FRMPD3: variants seen among roughly 807,000 people sequenced by gnomAD.
FRMPD3 encodes FERM and PDZ domain-containing protein 3.
A neutral mutation model predicts 97.9 loss-of-function variants in FRMPD3; 42 were observed. The observed-to-expected ratio is 0.43, with a 90% CI of 0.34 to 0.55. The LOEUF is 0.55. FRMPD3 is among the 20% of genes least tolerant of loss of function. The pLI is 0.03. For missense variants in FRMPD3, 1,303 were observed against 1,457.7 expected, an observed-to-expected ratio of 0.89 and a Z score of 1.73; for synonymous variants, 577 against 581.1, an observed-to-expected ratio of 0.99 and a Z score of 0.10.
chrX:107,469,987 T>C (rs1313975804), intron 1 of FRMPD3, among the ~76,000 whole-genome samples: 1 of 111,650 alleles, frequency 9.0e-6, no homozygotes, highest in Admixed American at 9.5e-5. Flanking sequence ...CCAGTAATCG[T>C]TTCTATTAGC....
At position 107,554,470 on chromosome X, in the gene FRMPD3, G is replaced by A. The variant is rs919379769; in HGVS notation, c.728G>A (p.Arg243Gln). 5 of 1,209,853 alleles carry A rather than the reference G, an allele frequency of 4.1e-6. No homozygotes were observed. Among genetic ancestry groups the A allele is most frequent in the Non-Finnish European group, 5.6e-6 (5 of 894,906 alleles). ...AAAGACCCTGTGGAGCTGCTGCGTCGGGATCCTGCTGCTTTTGAGTACCTA... is the reference window on the plus strand; with the variant it reads ...AAAGACCCTGTGGAGCTGCTGCGTCAGGATCCTGCTGCTTTTGAGTACCTA... ...FPKDPVELLR[R>Q]DPAAFEYLYI... The change falls in exon 8 of 15, where the codon CGG becomes CAG. Residue 243 changes from arginine to glutamine, a missense_variant. Coordinates refer to ENST00000683843, the MANE Select transcript of FRMPD3 (RefSeq NM_001388459.1).
At chrX:107,533,443 T>G (rs1397448933) in intron 3 of FRMPD3, 62 bp from the exon 4 acceptor site, 2 of 1,004,017 alleles carry the variant, frequency 2.0e-6, no homozygotes, top group Non-Finnish European at 2.8e-6. Flanking sequence ...GTGTTGCTTC[T>G]TGTACTAGAT....
chrX:107,482,528 T>G (rs1266127172), intron 1 of FRMPD3, among the ~76,000 whole-genome samples: 4 of 111,233 alleles, frequency 3.6e-5, no homozygotes, highest in African/African-American at 1.3e-4. Flanking sequence ...CAGGGCCACA[T>G]GATCCTCTGT....
At chrX:107,461,402 TC>T (rs927353402) in intron 1 of FRMPD3, among the ~76,000 whole-genome samples, 7 of 110,407 alleles carry the variant, frequency 6.3e-5, no homozygotes, top group African/African-American at 2.3e-4. Flanking sequence ...AATCAATCAC[TC>T]CCTCCCCACT....
intron 13 of FRMPD3, among the ~76,000 whole-genome samples, chrX:107,584,006 A>G (rs1402621692): frequency 1.8e-5 from 2 of 108,594 alleles, no homozygotes; most frequent in Admixed American, 2.0e-4. Context: ...AGCTGCAACT[A>G]CAGGCGCCTG....
chrX:107,539,779 G>A (rs1281538048), intron 4 of FRMPD3, among the ~76,000 whole-genome samples: 1 of 111,380 alleles, frequency 9.0e-6, no homozygotes, highest in Admixed American at 9.6e-5. Flanking sequence ...GTACTAGGGG[G>A]AGACATATTA....
chrX:107,525,379 C>T (rs749438963), intron 1 of FRMPD3, among the ~76,000 whole-genome samples: 1 of 112,136 alleles, frequency 8.9e-6, no homozygotes, highest in South Asian at 3.7e-4. Context: ...GTCTCTACAC[C>T]CTTATCCTTC....
At chrX:107,479,409 A>G (rs1602754963) in intron 1 of FRMPD3, among the ~76,000 whole-genome samples, 1 of 112,284 alleles carries the variant, frequency 8.9e-6, no homozygotes, top group Non-Finnish European at 1.9e-5. Context: ...TTTACATAGC[A>G]CTTCATAGTA....
intron 1 of FRMPD3, among the ~76,000 whole-genome samples, chrX:107,482,428 C>G (rs180753098): frequency 6.0e-4 from 67 of 112,091 alleles, no homozygotes; most frequent in African/African-American, 2.1e-3. Context: ...CAGTCTGTTA[C>G]ACCTGGCCCA....
At chrX:107,573,911 A>G (rs1398768799) in intron 12 of FRMPD3, among the ~76,000 whole-genome samples, 1 of 112,247 alleles carries the variant, frequency 8.9e-6, no homozygotes, top group Non-Finnish European at 1.9e-5. Flanking sequence ...GTTAAAGCAG[A>G]CACCCTGATG....
intron 1 of FRMPD3, among the ~76,000 whole-genome samples, chrX:107,509,651 T>C (rs1480569988): frequency 9.0e-6 from 1 of 111,507 alleles, no homozygotes; most frequent in Admixed American, 9.5e-5. Context: ...TTGACATTCC[T>C]TTCCTGGAAT....
intron 8 of FRMPD3, among the ~76,000 whole-genome samples, chrX:107,557,872 G>A (rs1202193514): frequency 1.2e-5 from 1 of 84,592 alleles, no homozygotes; most frequent in Admixed American, 1.5e-4. Flanking sequence ...ATTCTGATCT[G>A]TTGGTCTACT....
rs759584127 is a variant in FRMPD3, at chrX:107,602,865, T to C, written c.4826T>C (p.Val1609Ala). Residue 1609 changes from valine to alanine, a missense_variant, in exon 15 of 15, where the codon GTG becomes GCG. Around this residue, in one of 3 missense-constraint regions of FRMPD3, gnomAD observed 764 missense variants for 820.2 expected, o/e 0.93. Coordinates refer to ENST00000683843, the MANE Select transcript of FRMPD3 (RefSeq NM_001388459.1). Reference sequence around the variant, plus strand: ...CTGCTGACAGTCCTGCGGCAGTGTGTGGCCAGCCCCGAGGCCCGTGCCCCC... The same window carrying C: ...CTGCTGACAGTCCTGCGGCAGTGTGCGGCCAGCCCCGAGGCCCGTGCCCCC... ...NELLTVLRQC[V>A]ASPEARAPKP... 2.5e-6 allele frequency: 3 copies of C among 1,210,524 alleles called. No homozygotes were observed. In the East Asian group the frequency reaches 8.9e-5, roughly 36 times the overall value.
At chrX:107,478,312 A>G (rs1026600299) in intron 1 of FRMPD3, among the ~76,000 whole-genome samples, 2 of 111,822 alleles carry the variant, frequency 1.8e-5, no homozygotes, top group Non-Finnish European at 3.8e-5. Context: ...ATGGACATTT[A>G]TATACAGCCC....
chrX:107,601,288 C>T lies in FRMPD3; in HGVS notation c.3249C>T (p.Gly1083=). 1 of 1,208,583 alleles carries T rather than the reference C, an allele frequency of 8.3e-7. No homozygotes were observed. Among genetic ancestry groups the T allele is most frequent in the Non-Finnish European group, 1.1e-6 (1 of 893,654 alleles). ...VGKQATGEVA[G]KGGPVGGKPT... ...AGCAAGCTACAGGGGAGGTGGCAGG[C>T]AAAGGCGGGCCAGTGGGTGGTAAGC... Residue 1083 remains glycine (G), a synonymous_variant, in exon 15 of 15, where the codon GGC becomes GGT. Coordinates refer to ENST00000683843, the MANE Select transcript of FRMPD3 (RefSeq NM_001388459.1).
intron 1 of FRMPD3, among the ~76,000 whole-genome samples, chrX:107,510,209 C>CA (rs57491106): frequency 0.16 from 16,781 of 106,926 alleles, 1,182 homozygotes; most frequent in Non-Finnish European, 0.18. Context: ...AAGGTTGGGC[C>CA]AAAAAAAAAA....
At chrX:107,489,663 T>C (rs1921603920) in intron 1 of FRMPD3, among the ~76,000 whole-genome samples, 4 of 112,452 alleles carry the variant, frequency 3.6e-5, no homozygotes, top group South Asian at 7.4e-4. Flanking sequence ...TCATATCCTT[T>C]GCCCACTTTT....
At chrX:107,544,007 T>C (rs760891739) in intron 4 of FRMPD3, among the ~76,000 whole-genome samples, 7 of 110,706 alleles carry the variant, frequency 6.3e-5, no homozygotes, top group Admixed American at 1.9e-4. Context: ...ATGAAGAAAA[T>C]GTGGTATAAA....
Position 107,600,311 on chromosome X carries a change from G to A in FRMPD3, c.2272G>A (p.Val758Met). Residue 758 changes from valine (V) to methionine (M), a missense_variant, in exon 15 of 15, where the codon GTG becomes ATG. This residue lies in a region of FRMPD3 where 535 missense variants were observed against 618.6 expected (regional missense o/e 0.86). Transcript: ENST00000683843. ...PPPPQTAGLI[V>M]LATITPESSL... ...TATCCCTGTTCCTCCAGGTCTGATT[G>A]TGCTGGCCACAATCACTCCTGAATC... The A allele has an allele frequency of 1.7e-6, 2 of 1,204,003 alleles. No homozygotes were observed. Among genetic ancestry groups the A allele is most frequent in the Non-Finnish European group, 2.2e-6 (2 of 891,118 alleles).
Sources: allele counts gnomAD v4.1 joint callset (sites outside exome capture counted in the v4.1 genomes callset), GRCh38; gene constraint gnomAD v4.1.1; regional missense constraint gnomAD v4.1.1; transcripts MANE v1.5; gene names NCBI Gene and HGNC (gene_info 2026-07-23, HGNC 2026-07-21).